Variants in ZNF831 observed in about 807,000 individuals in gnomAD.
ZNF831 encodes the protein chromosome 20 open reading frame 174.
A neutral mutation model predicts 95.8 loss-of-function variants in ZNF831; 59 were observed. That is an observed-to-expected ratio of 0.62 (90% CI 0.50 to 0.77). The LOEUF (loss-of-function observed/expected upper bound fraction) is 0.77. ZNF831 is among the 30% of genes least tolerant of loss of function. ZNF831 has a pLI of 0.00. For missense variants in ZNF831, 2,205 were observed against 2,164.0 expected (o/e 1.02, Z -0.38); for synonymous variants, 961 against 925.5 (o/e 1.04, Z -0.70).
intron 2 of ZNF831, among the ~76,000 whole-genome samples, chr20:59,154,978 A>G (rs933476982): frequency 4.6e-5 from 7 of 152,200 alleles, no homozygotes; most frequent in Admixed American, 3.9e-4. Context: ...TCACACTGAA[A>G]TGTCAGTCCC....
At chr20:59,147,438 T>A (rs1601296257) in intron 2 of ZNF831, among the ~76,000 whole-genome samples, 1 of 152,234 alleles carries the variant, frequency 6.6e-6, no homozygotes, top group African/African-American at 2.4e-5. Flanking sequence ...TCTGACCTTG[T>A]CCCCTCTGGG....
At chr20:59,148,478 G>T (rs1167381970) in intron 2 of ZNF831, among the ~76,000 whole-genome samples, 1 of 117,296 alleles carries the variant, frequency 8.5e-6, no homozygotes, top group East Asian at 2.0e-4. Context: ...TCAGGAGATC[G>T]AGACCATCCT....
intron 1 of ZNF831, among the ~76,000 whole-genome samples, chr20:59,131,147 G>C (rs1208466849): frequency 6.6e-6 from 1 of 152,194 alleles, no homozygotes; most frequent in African/African-American, 2.4e-5. Context: ...CATCCATCTT[G>C]GGTCTTGGGA....
At chr20:59,183,608 C>T (rs1270746298) in intron 1 of ZNF831, among the ~76,000 whole-genome samples, 2 of 152,212 alleles carry the variant, frequency 1.3e-5, no homozygotes, top group Admixed American at 6.5e-5. Context: ...TTGGCCCCCT[C>T]GTTCCTGCAG....
chr20:59,210,952 G>A lies in ZNF831; in HGVS notation c.4027+3896G>A, dbSNP rs557672017. ...GGAGGCTGAGGCAGGAGAATGGCGT[G>A]AACCCGGGAGGCGGAGCTTGCAGTG... On this transcript the variant is annotated intron_variant, in intron 4 of 5. Coordinates refer to ENST00000371030, the MANE Select transcript of ZNF831 (RefSeq NM_178457.3). Among the ~76,000 whole-genome samples the A allele has an allele frequency of 4.4e-5, 4 of 90,036 alleles. 1 individual carries two copies. The highest frequency in any genetic ancestry group is 8.5e-5 in the Non-Finnish European group (4 of 46,916). 59.1% of individuals were successfully genotyped at this position (90,036 alleles called of 152,430 possible).
At chr20:59,175,514 C>A (rs184365412) in intron 1 of ZNF831, among the ~76,000 whole-genome samples, 1 of 151,414 alleles carries the variant, frequency 6.6e-6, no homozygotes, top group East Asian at 1.9e-4. Flanking sequence ...TTCTTTTTTT[C>A]TGTCCTGTCC....
intron 1 of ZNF831, among the ~76,000 whole-genome samples, chr20:59,140,774 C>A (rs957950502): frequency 5.9e-5 from 9 of 152,128 alleles, no homozygotes; most frequent in Admixed American, 5.9e-4. Context: ...GCAGTGATAT[C>A]TTATCATGGT....
chr20:59,125,666 T>G (rs1979150535), intron 1 of ZNF831, among the ~76,000 whole-genome samples: 1 of 152,136 alleles, frequency 6.6e-6, no homozygotes, highest in Non-Finnish European at 1.5e-5. Flanking sequence ...GTCAAGGAAT[T>G]GGGGAAAAGC....
intron 4 of ZNF831, among the ~76,000 whole-genome samples, chr20:59,252,024 G>C (rs189206641): frequency 1.3e-5 from 2 of 152,288 alleles, no homozygotes; most frequent in Non-Finnish European, 2.9e-5. Context: ...AGTTTGAAGA[G>C]GAGGAGAGCT....
rs144006329 is a variant in ZNF831, at chr20:59,193,539, C to T, written c.2520C>T (p.Ser840=). The change falls in exon 2 of 6, where the codon AGC becomes AGT. Residue 840 remains serine (S), a synonymous_variant. Coordinates refer to ENST00000371030, the MANE Select transcript of ZNF831 (RefSeq NM_178457.3). ...GCTGGAAGCAACCAGAGCCTGTGAG[C>T]GCAGAGACCCCAGGTGGGCCCACGC... ...LHSWKQPEPV[S]AETPGGPTQP... The T allele has an allele frequency of 5.9e-4, 942 of 1,605,186 alleles. 9 individuals are homozygous for T. The East Asian group carries it at 0.019, about 33-fold the overall frequency.
intron 1 of ZNF831, among the ~76,000 whole-genome samples, chr20:59,183,180 A>ACCTAGAGAGGGCCAC (rs1278970785): frequency 2.6e-5 from 4 of 152,288 alleles, no homozygotes; most frequent in African/African-American, 9.6e-5. Context: ...CCGTGGTTGG[A>ACCTAGAGAGGGCCAC]CCTAGAGAGG....
chr20:59,126,380 C>A (rs1191897884), intron 1 of ZNF831, among the ~76,000 whole-genome samples: 1 of 152,196 alleles, frequency 6.6e-6, no homozygotes, highest in Non-Finnish European at 1.5e-5. Context: ...AAATGCCCTG[C>A]TCCTCCAAGT....
Position 59,163,842 on chromosome 20 carries a change from T to C in ZNF831, c.-402T>C, listed in dbSNP as rs1282719861. Among the ~76,000 whole-genome samples the C allele has an allele frequency of 6.6e-6, 1 of 152,150 alleles. No individual in the cohort carries two copies. The highest frequency in any genetic ancestry group is 1.5e-5 in the Non-Finnish European group (1 of 68,016). ...GGCCATACCAAGTTTTATCTCTGCT[T>C]GAGTCTCTTCCAGGTTGCTTGAAAT... is the stretch of plus-strand genomic sequence containing the variant. On this transcript the variant is annotated 5_prime_UTR_variant, in exon 1 of 6. Coordinates refer to ENST00000371030, the MANE Select transcript of ZNF831 (RefSeq NM_178457.3).
rs2146545084 is a variant in ZNF831, at chr20:59,191,264, T to A, written c.245T>A (p.Leu82Gln). 1 of 1,559,180 alleles carries A rather than the reference T, an allele frequency of 6.4e-7. No homozygotes were observed. Among genetic ancestry groups the A allele is most frequent in the Non-Finnish European group, 8.7e-7 (1 of 1,152,720 alleles). The part of the protein sequence containing the change: ...QPRAPLVTGS[L>Q]DGGNVPFILS... Reference sequence around the variant, plus strand: ...CGCGCCCCGCTAGTGACGGGCAGCCTAGATGGGGGCAACGTGCCCTTCATA... The same window carrying A: ...CGCGCCCCGCTAGTGACGGGCAGCCAAGATGGGGGCAACGTGCCCTTCATA... Residue 82 changes from leucine to glutamine, a missense_variant, in exon 2 of 6, where the codon CTA (leucine) becomes CAA (glutamine). Coordinates refer to ENST00000371030, the MANE Select transcript of ZNF831 (RefSeq NM_178457.3).
At chr20:59,216,942 T>C (rs1985720804) in intron 4 of ZNF831, among the ~76,000 whole-genome samples, 2 of 146,756 alleles carry the variant, frequency 1.4e-5, no homozygotes, top group African/African-American at 5.5e-5. Context: ...GGCACTTTTG[T>C]TCTTAAAAAA....
At chr20:59,197,359 AG>A (rs1216396634) in intron 3 of ZNF831, among the ~76,000 whole-genome samples, 4 of 152,112 alleles carry the variant, frequency 2.6e-5, no homozygotes, top group Admixed American at 2.6e-4. Flanking sequence ...TGGTATTATT[AG>A]CCCCATTTTT....
intron 1 of ZNF831, among the ~76,000 whole-genome samples, chr20:59,141,500 TGCA>T (rs1259321102): frequency 6.6e-6 from 1 of 152,228 alleles, no homozygotes; most frequent in Non-Finnish European, 1.5e-5. Context: ...AAATTGCTTT[TGCA>T]CCTTTGTCAA....
intron 4 of ZNF831, among the ~76,000 whole-genome samples, chr20:59,249,762 T>G (rs1987792811): frequency 6.6e-6 from 1 of 152,164 alleles, no homozygotes; most frequent in African/African-American, 2.4e-5. Context: ...ACTTACCCCT[T>G]GAGATATAAG....
intron 4 of ZNF831, among the ~76,000 whole-genome samples, chr20:59,215,981 G>A (rs990650304): frequency 1.3e-4 from 20 of 152,192 alleles, no homozygotes; most frequent in South Asian, 2.1e-4. Context: ...TGTTAGGGAA[G>A]CATTCAAGAT....
Sources: allele counts gnomAD v4.1 joint callset (sites outside exome capture counted in the v4.1 genomes callset), GRCh38; gene constraint gnomAD v4.1.1; transcripts MANE v1.5; gene names NCBI Gene and HGNC (gene_info 2026-07-23, HGNC 2026-07-21).